Variants in NTRK3 observed in about 807,000 individuals in gnomAD.
NTRK3 encodes NT-3 growth factor receptor.
A neutral mutation model predicts 91.7 loss-of-function variants in NTRK3; 24 were observed. The ratio of observed to expected loss-of-function variants is 0.26; its 90% CI spans 0.19 to 0.37. The LOEUF is 0.37. Among genes scored for constraint, NTRK3 ranks in the 10% least tolerant of loss-of-function variants. The pLI, the probability that NTRK3 is intolerant of heterozygous loss-of-function variation, is 1.00. For synonymous variants in NTRK3, 483 were observed against 404.0 expected (o/e 1.20, Z -2.34); for missense variants, 880 against 1,068.9 (o/e 0.82, Z 2.46).
At chr15:87,904,485 G>A (rs1292146371) in intron 17 of NTRK3, among the ~76,000 whole-genome samples, 1 of 152,100 alleles carries the variant, frequency 6.6e-6, no homozygotes, top group African/African-American at 2.4e-5. Context: ...GGGCCTTTGG[G>A]ATCTCTCTGA....
intron 13 of NTRK3, among the ~76,000 whole-genome samples, chr15:88,080,590 C>T (rs1009435369): frequency 1.3e-5 from 2 of 152,188 alleles, no homozygotes; most frequent in Admixed American, 1.3e-4. Context: ...GGAAAAGTTA[C>T]TCCAAAAGCC....
At position 88,159,943 on chromosome 15, in the gene NTRK3, TACACACACACAC is replaced by T. The variant is rs59254719; in HGVS notation, c.396-12552_396-12541del. Among the ~76,000 whole-genome samples the T allele has an allele frequency of 4.1e-3, 458 of 112,040 alleles. 1 individual carries two copies. The highest frequency in any genetic ancestry group is 0.013 in the African/African-American group (386 of 29,744). The allele number at this position is 112,040 out of a possible 152,430, so 73.5% of individuals were successfully genotyped here. ...TGCCTCCCCACCCCACCCAGCCTCC[TACACACACACAC>T]ACACACACACACACACACACACACA... is the stretch of plus-strand genomic sequence containing the variant. On this transcript the variant is annotated intron_variant, in intron 5 of 18. Coordinates refer to ENST00000394480, the Ensembl canonical transcript of NTRK3.
At chr15:88,089,126 CTTAG>C (rs1385934111) in intron 13 of NTRK3, among the ~76,000 whole-genome samples, 2 of 132,152 alleles carry the variant, frequency 1.5e-5, no homozygotes, top group Non-Finnish European at 3.1e-5. Flanking sequence ...CTAAGCTGTC[CTTAG>C]TGTGGTATGA....
At chr15:88,220,032 A>G (rs1430861071) in intron 3 of NTRK3, among the ~76,000 whole-genome samples, 1 of 152,244 alleles carries the variant, frequency 6.6e-6, no homozygotes, top group African/African-American at 2.4e-5. Flanking sequence ...TCAAATGCCC[A>G]GAGAAAATCC....
intron 15 of NTRK3, 130 bp from the exon 16 acceptor site, chr15:87,933,314 G>T: frequency 1.1e-6 from 1 of 879,452 alleles, no homozygotes; most frequent in Non-Finnish European, 1.8e-6. Context: ...GGAATTTAAA[G>T]ACAATGAAGC....
At chr15:88,043,077 A>G (rs1342266130) in intron 13 of NTRK3, among the ~76,000 whole-genome samples, 1 of 152,194 alleles carries the variant, frequency 6.6e-6, no homozygotes, top group Non-Finnish European at 1.5e-5. Flanking sequence ...CCAAACCCAC[A>G]ACTGTGGCAT....
At chr15:88,175,722 T>A (rs150248173) in intron 5 of NTRK3, among the ~76,000 whole-genome samples, 235 of 152,358 alleles carry the variant, frequency 1.5e-3, no homozygotes, top group Non-Finnish European at 2.7e-3. Flanking sequence ...ATTCTTCATA[T>A]ACATTAATTC....
At chr15:88,018,504 T>C (rs898012697) in intron 14 of NTRK3, among the ~76,000 whole-genome samples, 1 of 152,158 alleles carries the variant, frequency 6.6e-6, no homozygotes, top group African/African-American at 2.4e-5. Context: ...GTCCCTTAAC[T>C]TCCTTGCTTC....
rs969855543 is a variant in NTRK3, at chr15:88,157,535, A to G, written c.396-10132T>C. On this transcript the variant is annotated intron_variant, in intron 5 of 18. Coordinates refer to ENST00000394480, the Ensembl canonical transcript of NTRK3. ...AGCTGACTCTGTGAGCCCAGGTCCC[A>G]GAGCCAGCAGCCCTTCCCTGTTCCC... Among the ~76,000 whole-genome samples the G allele has an allele frequency of 2.0e-5, 3 of 151,220 alleles. No individual in the cohort carries two copies. In the East Asian group the frequency reaches 6.0e-4, roughly 30 times the overall value.
At chr15:87,861,554 T>G (rs1041591209) in exon 19 of NTRK3, 11 of 195,232 alleles carry the variant, frequency 5.6e-5, no homozygotes, top group Non-Finnish European at 8.5e-5. Flanking sequence ...TTACTTCCAG[T>G]TTTAGCTGGA....
intron 13 of NTRK3, chr15:88,099,119 C>A (rs1049610131): frequency 3.0e-5 from 7 of 230,696 alleles, no homozygotes; most frequent in Admixed American, 5.7e-5. Context: ...CTTGGTTTTT[C>A]CAGAATAGAG....
chr15:88,065,335 GT>G (rs1387228602), intron 13 of NTRK3, among the ~76,000 whole-genome samples: 1 of 152,150 alleles, frequency 6.6e-6, no homozygotes, highest in African/African-American at 2.4e-5. Context: ...TCTTAGTCCT[GT>G]TTCCAGTTCA....
exon 19 of NTRK3, chr15:87,861,347 T>C (rs2064518211): frequency 4.6e-6 from 1 of 215,206 alleles, no homozygotes. Flanking sequence ...TTTCCAGATA[T>C]TGAAAGTTTG....
At chr15:88,163,654 G>A (rs2044668961) in intron 5 of NTRK3, among the ~76,000 whole-genome samples, 1 of 152,176 alleles carries the variant, frequency 6.6e-6, no homozygotes, top group South Asian at 2.1e-4. Context: ...ATGAGCCCAA[G>A]CATAAATGGA....
At chr15:88,167,977 T>C (rs2045141934) in intron 5 of NTRK3, among the ~76,000 whole-genome samples, 1 of 152,162 alleles carries the variant, frequency 6.6e-6, no homozygotes, top group Non-Finnish European at 1.5e-5. Flanking sequence ...AACAAGCTTA[T>C]GAGGGAGATG....
rs1005778634 is a variant in NTRK3 at position 88,176,357 on chromosome 15, G to A, written c.395+7061C>T. ...TCACCATGTTGGTCAGAATGGTCTC[G>A]ATCTCTTGACCTCATCATCCACCTG... On this transcript the variant is annotated intron_variant, in intron 5 of 18. Transcript: ENST00000394480. 6.6e-5 allele frequency among the ~76,000 whole-genome samples: 10 copies of A among 152,110 alleles called. No individual in the cohort carries two copies. The East Asian group carries it at 1.4e-3, about 21-fold the overall frequency.
intron 13 of NTRK3, among the ~76,000 whole-genome samples, chr15:88,067,092 AC>A (rs1221682749): frequency 6.6e-6 from 1 of 152,156 alleles, no homozygotes. Flanking sequence ...TACCCAGTGT[AC>A]AGCATGGCTT....
At chr15:88,140,305 G>A (rs1013720836) in intron 6 of NTRK3, among the ~76,000 whole-genome samples, 1 of 152,192 alleles carries the variant, frequency 6.6e-6, no homozygotes, top group African/African-American at 2.4e-5. Flanking sequence ...CAGTTGTGTA[G>A]TTTGAGCATT....
At position 88,109,131 on chromosome 15, in the gene NTRK3, C is replaced by T. The variant is rs536812606; in HGVS notation, c.1396+17140G>A. ...TCTTTGCAAGGCACTTAAATTTCCC[C>T]GTTAAGCAAACAGCACCACCGCGCA... On this transcript the variant is annotated intron_variant, in intron 13 of 18. Coordinates refer to ENST00000394480, the Ensembl canonical transcript of NTRK3. Among the ~76,000 whole-genome samples the T allele has an allele frequency of 9.2e-5, 14 of 152,276 alleles. No individual in the cohort carries two copies. In the East Asian group the frequency reaches 2.3e-3, roughly 25 times the overall value.
Sources: allele counts gnomAD v4.1 joint callset (sites outside exome capture counted in the v4.1 genomes callset), GRCh38; gene constraint gnomAD v4.1.1; transcripts MANE v1.5; gene names NCBI Gene and HGNC (gene_info 2026-07-23, HGNC 2026-07-21).